Variants in CPD observed in about 807,000 individuals in gnomAD.
CPD encodes carboxypeptidase D.
A neutral mutation model predicts 138.3 loss-of-function variants in CPD; 69 were observed. The ratio of observed to expected loss-of-function variants is 0.50; its 90% CI spans 0.41 to 0.61. The LOEUF is 0.61. CPD is among the 20% of genes least tolerant of loss of function. CPD has a pLI of 0.00. For synonymous variants in CPD, 651 were observed against 642.1 expected (o/e 1.01, Z -0.21); for missense variants, 1,432 against 1,733.3 (o/e 0.83, Z 3.09).
At chr17:30,451,456 G>T (rs1240577799) in intron 13 of CPD, among the ~76,000 whole-genome samples, 1 of 152,236 alleles carries the variant, frequency 6.6e-6, no homozygotes, top group Non-Finnish European at 1.5e-5. Flanking sequence ...GATTTGGCCT[G>T]CTGTTAGTGG....
At position 30,379,816 on chromosome 17, in the gene CPD, C is replaced by A; in HGVS notation, c.746+90C>A. On this transcript the variant is annotated intron_variant, in intron 1 of 20. Transcript: ENST00000225719. The surrounding 1 kb of genome is among the most constrained non-coding windows in gnomAD (Gnocchi z 7.0). ...CCAGTAGGCGCTCAGACAATGCTGG[C>A]ATAAGGGGTGGCGGTGGTGAAGGTG... 1 of 941,742 alleles carries A rather than the reference C, an allele frequency of 1.1e-6. No homozygotes were observed. The highest frequency in any genetic ancestry group is 1.4e-6 in the Non-Finnish European group (1 of 692,754). 58.3% of individuals were successfully genotyped at this position (941,742 alleles called of 1,614,324 possible). A position where few individuals can be genotyped will look rare whatever the true frequency, so the allele number is the denominator to read the frequency against.
chr17:30,462,196 A>G, intron 19 of CPD, 134 bp downstream of exon 19: 7 of 1,079,258 alleles, frequency 6.5e-6, no homozygotes, highest in Non-Finnish European at 9.3e-6. Context: ...TGATTATGAT[A>G]TCTTGTTATC....
At chr17:30,428,176 TCATATACCTC>T (rs1178357548) in intron 7 of CPD, among the ~76,000 whole-genome samples, 1 of 152,206 alleles carries the variant, frequency 6.6e-6, no homozygotes, top group Non-Finnish European at 1.5e-5. Context: ...GTACCTGAGC[TCATATACCTC>T]CATATAATTT....
intron 2 of CPD, among the ~76,000 whole-genome samples, chr17:30,396,071 T>A (rs992272509): frequency 6.6e-6 from 1 of 152,182 alleles, no homozygotes; most frequent in Non-Finnish European, 1.5e-5. Context: ...TTATGCTCAT[T>A]AGCTTTTAAA....
At position 30,445,942 on chromosome 17, in the gene CPD, G is replaced by A. The variant is rs1319078793; in HGVS notation, c.2795G>A (p.Arg932Gln). The change falls in exon 12 of 21, where the codon CGA (arginine) becomes CAA (glutamine). Residue 932 changes from arginine to glutamine, a missense_variant. By Grantham distance (43) the Arg-to-Gln change is conservative. Coordinates refer to ENST00000225719, the MANE Select transcript of CPD (RefSeq NM_001304.5). Reference protein sequence around the residue: ...SSSNLALALYRYHSYKDLSEF... With the variant: ...SSSNLALALYQYHSYKDLSEF... ...TCAAATCTGGCTCTGGCTCTTTATC[G>A]ATACCATTCCTACAAAGACTTATCA... 1 of 1,613,912 alleles carries A rather than the reference G, an allele frequency of 6.2e-7. No homozygotes were observed. Among genetic ancestry groups the A allele is most frequent in the Non-Finnish European group, 8.5e-7 (1 of 1,179,962 alleles).
intron 2 of CPD, 140 bp downstream of exon 2, chr17:30,385,376 A>G: frequency 9.4e-7 from 1 of 1,059,820 alleles, no homozygotes; most frequent in Non-Finnish European, 1.3e-6. Flanking sequence ...TTTCAAATCT[A>G]CAGCAAAATT....
chr17:30,423,087 A>G (rs895945114), intron 5 of CPD, 64 bp downstream of exon 5: 12 of 1,254,498 alleles, frequency 9.6e-6, no homozygotes, highest in South Asian at 8.7e-5. Flanking sequence ...CAATATTGCT[A>G]TGTTTCATTC....
chr17:30,407,515 G>T (rs570360778), intron 2 of CPD, among the ~76,000 whole-genome samples: 1 of 152,078 alleles, frequency 6.6e-6, no homozygotes, highest in Non-Finnish European at 1.5e-5. Flanking sequence ...ATTCTAACTG[G>T]CATGAAATGG....
In CPD at chr17:30,469,910, AATC is replaced by A. The variant is rs1383476029; in HGVS notation, c.*5097_*5099del. ...CCTTTTGGTTTGTTTCATAAACAGTAATCTAGTTATTATGTTCAGCTTTTCAGA... is the reference window on the plus strand; with the variant it reads ...CCTTTTGGTTTGTTTCATAAACAGTATAGTTATTATGTTCAGCTTTTCAGA... On this transcript the variant is annotated 3_prime_UTR_variant, in exon 21 of 21. Transcript: ENST00000225719. The A allele has an allele frequency of 6.6e-6, 1 of 152,112 alleles. No individual in the cohort carries two copies. The highest frequency in any genetic ancestry group is 1.5e-5 in the Non-Finnish European group (1 of 68,002). 9.4% of individuals were successfully genotyped at this position (152,112 alleles called of 1,614,324 possible).
chr17:30,435,348 C>T (rs1259090158), intron 8 of CPD, among the ~76,000 whole-genome samples: 1 of 151,500 alleles, frequency 6.6e-6, no homozygotes, highest in Non-Finnish European at 1.5e-5. Flanking sequence ...GGAATAAATT[C>T]TTATGTTGAT....
At chr17:30,409,006 T>G (rs1911884172) in intron 2 of CPD, among the ~76,000 whole-genome samples, 1 of 152,184 alleles carries the variant, frequency 6.6e-6, no homozygotes, top group Admixed American at 6.5e-5. Context: ...TATAAATAGC[T>G]CTTATTATTT....
chr17:30,427,313 G>T (rs1341354496), intron 6 of CPD, 78 bp from the exon 7 acceptor site: 3 of 1,316,634 alleles, frequency 2.3e-6, no homozygotes, highest in Non-Finnish European at 3.2e-6. Flanking sequence ...CTTGAGTTAA[G>T]GTATCTAAAG....
At chr17:30,417,956 C>T (rs1032511436) in intron 2 of CPD, among the ~76,000 whole-genome samples, 9 of 152,146 alleles carry the variant, frequency 5.9e-5, no homozygotes, top group African/African-American at 2.2e-4. Context: ...GTGGCCTTAT[C>T]AGCCTCATAG....
At chr17:30,397,170 T>G (rs1032851429) in intron 2 of CPD, among the ~76,000 whole-genome samples, 1 of 152,226 alleles carries the variant, frequency 6.6e-6, no homozygotes, top group Admixed American at 6.5e-5. Context: ...TATTTACTAT[T>G]TTATTATTTA....
At chr17:30,386,935 G>A (rs1434212410) in intron 2 of CPD, among the ~76,000 whole-genome samples, 1 of 152,164 alleles carries the variant, frequency 6.6e-6, no homozygotes, top group African/African-American at 2.4e-5. Flanking sequence ...GTATCTGTAT[G>A]AGTCCTTATT....
chr17:30,421,614 T>TCTTGCCTTCCAAATTCA (rs1456891952), intron 3 of CPD, 50 bp from the exon 4 acceptor site: 1 of 1,563,048 alleles, frequency 6.4e-7, no homozygotes, highest in Admixed American at 1.7e-5. Flanking sequence ...AATTATGCGC[T>TCTTGCCTTCCAAATTCA]CTTGCCTTCC....
At chr17:30,397,198 A>C (rs1911532035) in intron 2 of CPD, among the ~76,000 whole-genome samples, 3 of 152,208 alleles carry the variant, frequency 2.0e-5, no homozygotes, top group Admixed American at 6.5e-5. Flanking sequence ...TTGTAAAAAA[A>C]ACTATGCCTT....
chr17:30,379,643 C>G lies in CPD; in HGVS notation c.663C>G (p.Pro221=). ...GCCGCGACCTCAACCGAAGCTTTCC[C>G]GACCAGTTTAGCACCGGCGAACCCC... ...SRGRDLNRSF[P]DQFSTGEPPA... The change falls in exon 1 of 21, where the codon CCC becomes CCG. Residue 221 remains proline (P), a synonymous_variant. Transcript: ENST00000225719. This position sits in a 1 kb window ranked among gnomAD's most constrained non-coding sequence, Gnocchi z 7.0. 1 of 1,515,588 alleles carries G rather than the reference C, an allele frequency of 6.6e-7. No individual in the cohort carries two copies. Among genetic ancestry groups the G allele is most frequent in the East Asian group, 2.6e-5 (1 of 39,166 alleles). 93.9% of individuals were successfully genotyped at this position (1,515,588 alleles called of 1,614,324 possible).
At chr17:30,387,023 A>G (rs1331315227) in intron 2 of CPD, among the ~76,000 whole-genome samples, 2 of 152,140 alleles carry the variant, frequency 1.3e-5, no homozygotes, top group African/African-American at 2.4e-5. Context: ...TTGACAGACT[A>G]TTTTCCACAG....
Sources: gnomAD v4.1 joint callset for allele counts (sites outside exome capture counted in the v4.1 genomes callset) on GRCh38, gnomAD v4.1.1 for gene constraint, Gnocchi (gnomAD v3.1) non-coding constraint, MANE v1.5 for transcripts, NCBI Gene and HGNC (gene_info 2026-07-23, HGNC 2026-07-21) for gene names.